The following FBLN1 variants were observed in gnomAD, a reference collection of about 807,000 sequenced individuals.
FBLN1 encodes the protein fibulin 1.
A neutral mutation model predicts 89.7 loss-of-function variants in FBLN1; 34 were observed. The observed-to-expected ratio is 0.38, with a 90% CI of 0.29 to 0.50. The LOEUF is 0.50. Among genes scored for constraint, FBLN1 ranks in the 20% least tolerant of loss-of-function variants. The pLI is 0.92. For missense variants in FBLN1, 777 were observed against 988.1 expected (o/e 0.79, Z 2.86); for synonymous variants, 393 against 391.3 (o/e 1.00, Z -0.05).
intron 14 of FBLN1, chr22:45,558,077 G>A (rs370901512): frequency 9.9e-5 from 71 of 716,886 alleles, no homozygotes; most frequent in East Asian, 4.6e-4. Context: ...TCAGATGATC[G>A]TAGGGAACTC....
chr22:45,599,145 G>A (rs1178906990), intron 16 of FBLN1, among the ~76,000 whole-genome samples: 2 of 152,156 alleles, frequency 1.3e-5, no homozygotes, highest in East Asian at 1.9e-4. Context: ...CTACCCTGCC[G>A]TGGCTGAGCT....
At position 45,597,888 on chromosome 22, in the gene FBLN1, C is replaced by T. The variant is rs537540495; in HGVS notation, c.1973-2419C>T. Among the ~76,000 whole-genome samples the T allele has an allele frequency of 4.5e-4, 68 of 152,226 alleles. No individual in the cohort carries two copies. The highest frequency in any genetic ancestry group is 3.4e-3 in the Middle Eastern group (1 of 294). On this transcript the variant is annotated intron_variant, in intron 16 of 16. Transcript: ENST00000327858. This position sits in a 1 kb window ranked among gnomAD's most constrained non-coding sequence, Gnocchi z 4.2. ...ACTTTTGAAACATAAGCCCAGAGAG[C>T]GAAAGGGGGGAACGTTGTGCCCAGA...
At chr22:45,594,430 A>G (rs548940514) in intron 16 of FBLN1, among the ~76,000 whole-genome samples, 2 of 152,282 alleles carry the variant, frequency 1.3e-5, no homozygotes, top group South Asian at 2.1e-4. Context: ...CTGAAACTTC[A>G]TATTTTTGGG....
chr22:45,541,160 G>A, intron 8 of FBLN1, 69 bp from the exon 9 acceptor site: 1 of 1,601,284 alleles, frequency 6.2e-7, no homozygotes, highest in Non-Finnish European at 8.6e-7. Context: ...TTTCTTTGGA[G>A]ATCCAGTTTT....
rs1457501095 is a variant in FBLN1 at position 45,581,494 on chromosome 22, TG to T, written c.1972+4388del. On this transcript the variant is annotated intron_variant, in intron 16 of 16. Coordinates refer to ENST00000327858, the MANE Select transcript of FBLN1 (RefSeq NM_006486.3). This position sits in a 1 kb window ranked among gnomAD's most constrained non-coding sequence, Gnocchi z 7.6. ...AGGGAAATCTGTGTGCTATGAGGCTTGGTTGTGGCCACATTTCTGTTAAAAC... is the reference window on the plus strand; with the variant it reads ...AGGGAAATCTGTGTGCTATGAGGCTTGTTGTGGCCACATTTCTGTTAAAAC... Among the ~76,000 whole-genome samples the T allele has an allele frequency of 2.0e-5, 3 of 152,098 alleles. No homozygotes were observed. Among genetic ancestry groups the T allele is most frequent in the African/African-American group, 7.2e-5 (3 of 41,420 alleles).
intron 9 of FBLN1, 31 bp downstream of exon 9, chr22:45,541,403 A>G (rs763507727): frequency 6.2e-7 from 1 of 1,613,904 alleles, no homozygotes; most frequent in Middle Eastern, 1.7e-4. Context: ...TCTGAAATCC[A>G]CTTTCCTGTC....
At chr22:45,543,658 C>T (rs1310793526) in intron 11 of FBLN1, 132 bp downstream of exon 11, 17 of 1,240,840 alleles carry the variant, frequency 1.4e-5, no homozygotes, top group Non-Finnish European at 1.9e-5. Flanking sequence ...AGGGGAAGTG[C>T]CTGTAAAATA....
At chr22:45,546,874 G>C (rs894840492) in intron 11 of FBLN1, among the ~76,000 whole-genome samples, 2 of 152,204 alleles carry the variant, frequency 1.3e-5, no homozygotes, top group Non-Finnish European at 2.9e-5. Flanking sequence ...AGGAGAAGTT[G>C]TGGTCGAAGC....
intron 16 of FBLN1, among the ~76,000 whole-genome samples, chr22:45,589,532 C>G (rs1200354425): frequency 6.6e-6 from 1 of 152,234 alleles, no homozygotes; most frequent in Non-Finnish European, 1.5e-5. Flanking sequence ...CTTGCTCCAG[C>G]CTGGGGGGGC....
rs138497040 is a variant in FBLN1, at chr22:45,542,168, C to T, written c.1080C>T (p.Cys360=). 3.4e-4 allele frequency: 553 copies of T among 1,614,172 alleles called. No homozygotes were observed. Among genetic ancestry groups the T allele is most frequent in the Non-Finnish European group, 4.2e-4 (498 of 1,180,040 alleles). The change falls in exon 10 of 17, where the codon TGC becomes TGT. Residue 360 remains cysteine (C), a synonymous_variant. Coordinates refer to ENST00000327858, the MANE Select transcript of FBLN1 (RefSeq NM_006486.3). ...CTCCTTTGCAAGATGTGGACGAGTG[C>T]GCGCCACCTGCTGAGCCCTGTGGGA... is the stretch of plus-strand genomic sequence containing the variant. ...EGTRCVDVDE[C]APPAEPCGKG...
At chr22:45,547,391 T>G (rs897824961) in intron 12 of FBLN1, among the ~76,000 whole-genome samples, 187 bp downstream of exon 12, 2 of 135,532 alleles carry the variant, frequency 1.5e-5, no homozygotes. Context: ...CTGAGGTTTT[T>G]TTTTTTTTTT....
intron 16 of FBLN1, among the ~76,000 whole-genome samples, chr22:45,599,803 G>A (rs2089215880): frequency 6.6e-6 from 1 of 152,154 alleles, no homozygotes; most frequent in Non-Finnish European, 1.5e-5. Flanking sequence ...TGTAATCCCA[G>A]CTACTCGGGA....
intron 14 of FBLN1, among the ~76,000 whole-genome samples, chr22:45,569,496 G>A (rs1012219737): frequency 3.3e-5 from 5 of 152,086 alleles, no homozygotes; most frequent in Non-Finnish European, 5.9e-5. Flanking sequence ...AAAATTAGCC[G>A]GGTGTGGTGG....
At chr22:45,519,255 G>A (rs915268727) in intron 2 of FBLN1, among the ~76,000 whole-genome samples, 7 of 152,098 alleles carry the variant, frequency 4.6e-5, no homozygotes, top group Admixed American at 4.6e-4. Flanking sequence ...CATCTGGATC[G>A]ACCGTTTTTA....
rs1240395388 is a variant in FBLN1, at chr22:45,600,683, C to G, written c.*237C>G. 1.7e-6 allele frequency: 1 copy of G among 572,244 alleles called. No homozygotes were observed. Among genetic ancestry groups the G allele is most frequent in the Non-Finnish European group, 3.2e-6 (1 of 316,108 alleles). The allele number at this position is 572,244 out of a possible 1,614,324, so 35.4% of individuals were successfully genotyped here. A position where few individuals can be genotyped will look rare whatever the true frequency, so the allele number is the denominator to read the frequency against. On this transcript the variant is annotated 3_prime_UTR_variant, in exon 17 of 17. Transcript: ENST00000327858. ...TGAAAACCTTGCTCATTTTTTAATG[C>G]GAAGGCTAAGTGTCACCCCCTTTCT...
rs956392084 is a variant in FBLN1, at chr22:45,583,787, T to C, written c.1972+6679T>C. ...ATGGGAAGGGGAAGCGCCTGCAGCA[T>C]GAGAGAGAGAGAGAATGAGAGAGAG... is the stretch of plus-strand genomic sequence containing the variant. On this transcript the variant is annotated intron_variant, in intron 16 of 16. Transcript: ENST00000327858. This position sits in a 1 kb window ranked among gnomAD's most constrained non-coding sequence, Gnocchi z 4.5. Among the ~76,000 whole-genome samples, 2 of 151,040 alleles carry C rather than the reference T, an allele frequency of 1.3e-5. No homozygotes were observed. Among genetic ancestry groups the C allele is most frequent in the African/African-American group, 4.9e-5 (2 of 41,064 alleles).
At chr22:45,528,709 G>A (rs1228973362) in intron 4 of FBLN1, among the ~76,000 whole-genome samples, 1 of 151,740 alleles carries the variant, frequency 6.6e-6, no homozygotes, top group African/African-American at 2.4e-5. Flanking sequence ...AAATATTTGA[G>A]TACCATACCC....
In FBLN1 at chr22:45,549,360, G is replaced by A. The variant is rs563921220; in HGVS notation, c.1573+616G>A. Among the ~76,000 whole-genome samples, 1 of 152,326 alleles carries A rather than the reference G, an allele frequency of 6.6e-6. No homozygotes were observed. The highest frequency in any genetic ancestry group is 6.5e-5 in the Admixed American group (1 of 15,300). ...GCCCAGAAGCTGAGTCATGGAGGTG[G>A]GGCTGTCCAGCCAGTTCCTCGGGAG... On this transcript the variant is annotated intron_variant, in intron 13 of 16. Transcript: ENST00000327858. This position sits in a 1 kb window ranked among gnomAD's most constrained non-coding sequence, Gnocchi z 5.7.
Position 45,574,775 on chromosome 22 carries a change from T to TTA in FBLN1, c.1840+123_1840+124insAT. ...GGCCCAGGCTTTGAAATGCAGAACTTTCTTTTTTTTTTTTTTTTTTTTTTG... is the reference window on the plus strand; with the variant it reads ...GGCCCAGGCTTTGAAATGCAGAACTTTATCTTTTTTTTTTTTTTTTTTTTTTG... On this transcript the variant is annotated intron_variant, in intron 15 of 16. Transcript: ENST00000327858. The surrounding 1 kb of genome is among the most constrained non-coding windows in gnomAD (Gnocchi z 4.1). The TTA allele has an allele frequency of 6.8e-5, 51 of 749,152 alleles. No homozygotes were observed. Among genetic ancestry groups the TTA allele is most frequent in the Non-Finnish European group, 1.0e-4 (49 of 477,194 alleles). The allele number at this position is 749,152 out of a possible 1,614,324, so 46.4% of individuals were successfully genotyped here.
Sources: allele counts gnomAD v4.1 joint callset (sites outside exome capture counted in the v4.1 genomes callset), GRCh38; gene constraint gnomAD v4.1.1; non-coding constraint Gnocchi (gnomAD v3.1); transcripts MANE v1.5; gene names NCBI Gene and HGNC (gene_info 2026-07-23, HGNC 2026-07-21).